EZR: variants seen among roughly 807,000 people sequenced by gnomAD.
EZR encodes cytovillin 2.
In EZR, 40 loss-of-function variants were observed where a neutral mutation model predicts 74.8. That is an observed-to-expected ratio of 0.53 (90% CI 0.42 to 0.70). The LOEUF (loss-of-function observed/expected upper bound fraction) is 0.70, where lower values mean the gene tolerates loss of function less well. Among genes scored for constraint, EZR ranks in the 30% least tolerant of loss-of-function variants. EZR has a pLI of 0.00. For missense variants in EZR, 678 were observed against 755.8 expected, an observed-to-expected ratio of 0.90 and a Z score of 1.21; for synonymous variants, 341 against 283.3, an observed-to-expected ratio of 1.20 and a Z score of -2.05.
At chr6:158,801,172 T>C (rs753873408) in intron 2 of EZR, among the ~76,000 whole-genome samples, 4 of 152,182 alleles carry the variant, frequency 2.6e-5, no homozygotes, top group Admixed American at 1.3e-4. Flanking sequence ...TGGAGTGCAG[T>C]GGCACAATCT....
chr6:158,784,540 A>G (rs1180885762), intron 6 of EZR, 104 bp downstream of exon 6: 27 of 1,014,438 alleles, frequency 2.7e-5, no homozygotes, highest in Non-Finnish European at 4.0e-5. Context: ...GGTCTTCACA[A>G]GGCCTGACAC....
At chr6:158,816,620 T>C (rs961061473) in intron 2 of EZR, among the ~76,000 whole-genome samples, 27 of 152,128 alleles carry the variant, frequency 1.8e-4, no homozygotes, top group African/African-American at 7.2e-5. Context: ...TAAGTTTGAA[T>C]TAAAAAGAAA....
chr6:158,774,873 C>A (rs1454744340), intron 8 of EZR, among the ~76,000 whole-genome samples: 1 of 151,900 alleles, frequency 6.6e-6, no homozygotes, highest in Non-Finnish European at 1.5e-5. Context: ...AATCTTACTA[C>A]CCAAGTGACA....
chr6:158,769,828 GCTC>G lies in EZR; in HGVS notation c.1204_1206del (p.Glu402del). ...ATCTGATCCACCGCCTGTCTCTCCA[GCTC>G]CTCCTTAGCCCGCAGTGCAGCCATA... On this transcript the variant is annotated inframe_deletion, in exon 11 of 14. Coordinates refer to ENST00000367075, the MANE Select transcript of EZR (RefSeq NM_001111077.2). 6.2e-7 allele frequency: 1 copy of G among 1,613,994 alleles called. No homozygotes were observed. Among genetic ancestry groups the G allele is most frequent in the Non-Finnish European group, 8.5e-7 (1 of 1,180,042 alleles).
In EZR at chr6:158,769,342, T is replaced by C. The variant is rs151079610; in HGVS notation, c.1328A>G (p.Glu443Gly). ...EARRRKEDEV[E>G]EWQHRAKEAQ... ...CAGACTCACCCTGTGCTGCCACTCT[T>C]CAACTTCATCCTCCTTGCGCCTCCG... The change falls in exon 12 of 14, where the codon GAA becomes GGA. Residue 443 changes from glutamate to glycine, a missense_variant. By Grantham distance (98) the Glu-to-Gly change is moderately conservative (BLOSUM62 -2). This residue lies in a region of EZR where 342 missense variants were observed against 341.2 expected (regional missense o/e 1.00). Coordinates refer to ENST00000367075, the MANE Select transcript of EZR (RefSeq NM_001111077.2). The C allele has an allele frequency of 1.9e-6, 3 of 1,609,928 alleles. No individual in the cohort carries two copies. Among genetic ancestry groups the C allele is most frequent in the Non-Finnish European group, 2.5e-6 (3 of 1,180,010 alleles).
At chr6:158,813,472 A>G (rs2128577452) in intron 2 of EZR, among the ~76,000 whole-genome samples, 1 of 152,348 alleles carries the variant, frequency 6.6e-6, no homozygotes, top group Middle Eastern at 3.4e-3. Flanking sequence ...GATCATGGCA[A>G]ATCACTCATC....
Position 158,767,204 on chromosome 6 carries a change from C to A in EZR, c.1596+57G>T, listed in dbSNP as rs1381528635. The A allele has an allele frequency of 1.5e-5, 24 of 1,584,820 alleles. No homozygotes were observed. The South Asian group carries it at 2.7e-4, about 18-fold the overall frequency. Reference sequence around the variant, plus strand: ...GGCTCACATCACTGCCCTCCCCAAGCCTGTCTGCTCCAAAAGCGAGGCAGG... The same window carrying A: ...GGCTCACATCACTGCCCTCCCCAAGACTGTCTGCTCCAAAAGCGAGGCAGG... On this transcript the variant is annotated intron_variant, in intron 13 of 13. Coordinates refer to ENST00000367075, the MANE Select transcript of EZR (RefSeq NM_001111077.2).
At position 158,769,294 on chromosome 6, in the gene EZR, G is replaced by T. The variant is rs749013082; in HGVS notation, c.1344+32C>A. 1.9e-6 allele frequency: 3 copies of T among 1,591,786 alleles called. 1 individual carries two copies. The South Asian group carries it at 3.3e-5, about 18-fold the overall frequency. ...AGGCAATTGGGCAACAGGTGCTGTG[G>T]CCGTGCGGAGGTGTCCCCCGTGCAG... is the stretch of plus-strand genomic sequence containing the variant. On this transcript the variant is annotated intron_variant, in intron 12 of 13. Coordinates refer to ENST00000367075, the MANE Select transcript of EZR (RefSeq NM_001111077.2).
intron 7 of EZR, among the ~76,000 whole-genome samples, chr6:158,778,560 G>A (rs1165978968): frequency 2.0e-5 from 3 of 152,186 alleles, no homozygotes; most frequent in African/African-American, 7.2e-5. Flanking sequence ...TACAGAGAAG[G>A]TGGCCACAGG....
In EZR at chr6:158,770,935, G is replaced by A. The variant is rs748180011; in HGVS notation, c.960-41C>T. On this transcript the variant is annotated intron_variant, in intron 9 of 13. Transcript: ENST00000367075. ...AGAGGCACAGGGAGATTTAGACTCT[G>A]GCAGGAAAGTGAGGGGTCAACACAC... The A allele has an allele frequency of 2.5e-6, 4 of 1,613,864 alleles. No individual in the cohort carries two copies. In the African/African-American group the frequency reaches 4.0e-5, roughly 16 times the overall value.
intron 2 of EZR, among the ~76,000 whole-genome samples, chr6:158,803,597 AT>A (rs1777255560): frequency 1.4e-4 from 2 of 13,858 alleles, no homozygotes; most frequent in African/African-American, 3.9e-4. Context: ...ATATATATAT[AT>A]ATATATACAT....
At chr6:158,813,993 C>T (rs1400724036) in intron 2 of EZR, among the ~76,000 whole-genome samples, 4 of 152,284 alleles carry the variant, frequency 2.6e-5, no homozygotes, top group South Asian at 2.1e-4. Flanking sequence ...AAAGGCGCTC[C>T]GCAGTCACCC....
chr6:158,771,814 C>CCA (rs890386172), intron 8 of EZR, among the ~76,000 whole-genome samples: 1 of 152,218 alleles, frequency 6.6e-6, no homozygotes, highest in African/African-American at 2.4e-5. Context: ...TTCCAGGTAG[C>CCA]CACCTTTCAT....
chr6:158,803,533 ATATATATATATG>A (rs57871211), intron 2 of EZR, among the ~76,000 whole-genome samples: 1,556 of 5,368 alleles, frequency 0.29, 117 homozygotes, highest in African/African-American at 0.33. Context: ...AACATTATAT[ATATATATATATG>A]TATATATATA....
intron 7 of EZR, among the ~76,000 whole-genome samples, 181 bp downstream of exon 7, chr6:158,783,339 C>T (rs1167267126): frequency 7.3e-6 from 1 of 136,572 alleles, no homozygotes; most frequent in African/African-American, 2.6e-5. Flanking sequence ...GGATAACCCA[C>T]ACCTCTGGAC....
At chr6:158,808,809 T>C (rs527637168) in intron 2 of EZR, among the ~76,000 whole-genome samples, 76 of 152,232 alleles carry the variant, frequency 5.0e-4, no homozygotes, top group Non-Finnish European at 9.6e-4. Flanking sequence ...AAGTTTGCTA[T>C]AAAATAATAA....
intron 2 of EZR, among the ~76,000 whole-genome samples, chr6:158,790,649 C>T (rs191536899): frequency 5.9e-5 from 9 of 152,042 alleles, no homozygotes; most frequent in Non-Finnish European, 7.4e-5. Flanking sequence ...ATTCCAGCCT[C>T]GGCTCCGGAG....
chr6:158,806,990 C>G (rs1777353334), intron 2 of EZR, among the ~76,000 whole-genome samples: 1 of 152,102 alleles, frequency 6.6e-6, no homozygotes, highest in African/African-American at 2.4e-5. Context: ...AAGCTTTAAC[C>G]AAGTGACCTG....
At chr6:158,771,212 A>AG (rs773726730) in intron 9 of EZR, 32 bp downstream of exon 9, 1 of 1,575,842 alleles carries the variant, frequency 6.3e-7, no homozygotes, top group South Asian at 1.2e-5. Context: ...GGGAGAACAC[A>AG]GGCCCCCCCC....
Sources: allele counts gnomAD v4.1 joint callset (sites outside exome capture counted in the v4.1 genomes callset), GRCh38; gene constraint gnomAD v4.1.1; regional missense constraint gnomAD v4.1.1; transcripts MANE v1.5; gene names NCBI Gene and HGNC (gene_info 2026-07-23, HGNC 2026-07-21).